MATCAP2: variants seen among roughly 807,000 people sequenced by gnomAD.
MATCAP2 encodes microtubule associated tyrosine carboxypeptidase 2.
the MATCAP2 span, chr7:36,333,829 G>C: frequency 6.5e-7 from 1 of 1,538,214 alleles, no homozygotes; most frequent in Admixed American, 2.0e-5. Flanking sequence ...CAGTAAGTCA[G>C]AAAACCTAGA....
At chr7:36,353,981 C>A in the MATCAP2 span, among the ~76,000 whole-genome samples, 1 of 152,194 alleles carries the variant, frequency 6.6e-6, no homozygotes, top group African/African-American at 2.4e-5. Flanking sequence ...ATGCACCTGA[C>A]CCCAAGTAGC....
chr7:36,365,770 T>G, the MATCAP2 span, among the ~76,000 whole-genome samples: 1 of 152,246 alleles, frequency 6.6e-6, no homozygotes. Context: ...GGAGGTATGG[T>G]ACTTTTAAGT....
the MATCAP2 span, among the ~76,000 whole-genome samples, chr7:36,381,460 C>T: frequency 4.6e-5 from 7 of 152,038 alleles, no homozygotes; most frequent in Non-Finnish European, 2.9e-5. Context: ...CACCTGAGGT[C>T]AGGAGTTTGA....
At chr7:36,333,297 T>C in the MATCAP2 span, among the ~76,000 whole-genome samples, 2 of 152,158 alleles carry the variant, frequency 1.3e-5, no homozygotes, top group Non-Finnish European at 2.9e-5. Context: ...TTCTATAAAA[T>C]GTTCAAAACA....
the MATCAP2 span, chr7:36,383,758 C>G: frequency 1.4e-6 from 1 of 703,666 alleles, no homozygotes; most frequent in Non-Finnish European, 2.4e-6. Context: ...CACGTGTATG[C>G]CTATGTAACA....
chr7:36,328,094 G>A, the MATCAP2 span, among the ~76,000 whole-genome samples: 1 of 151,766 alleles, frequency 6.6e-6, no homozygotes, highest in African/African-American at 2.4e-5. Flanking sequence ...TAAGAGATAG[G>A]GTCTTTCTCT....
At chr7:36,386,134 G>A in the MATCAP2 span, among the ~76,000 whole-genome samples, 147 of 151,850 alleles carry the variant, frequency 9.7e-4, 1 homozygote, top group African/African-American at 3.2e-3. Context: ...CAGCCTTGGC[G>A]AAAGAGCGAG....
the MATCAP2 span, among the ~76,000 whole-genome samples, chr7:36,382,569 T>G: frequency 6.6e-6 from 1 of 152,032 alleles, no homozygotes; most frequent in South Asian, 2.1e-4. Flanking sequence ...CTCGGCTCAC[T>G]GCAAGCTCCG....
chr7:36,363,543 T>A, the MATCAP2 span, among the ~76,000 whole-genome samples: 2 of 152,240 alleles, frequency 1.3e-5, no homozygotes, highest in Admixed American at 6.5e-5. Context: ...CATCGGATAA[T>A]GTCACACTGA....
At chr7:36,363,558 A>G in the MATCAP2 span, among the ~76,000 whole-genome samples, 2 of 152,248 alleles carry the variant, frequency 1.3e-5, no homozygotes, top group Non-Finnish European at 2.9e-5. Context: ...CACTGATATT[A>G]CATGAAATCT....
At chr7:36,328,249 G>GGA in the MATCAP2 span, among the ~76,000 whole-genome samples, 3 of 116,504 alleles carry the variant, frequency 2.6e-5, no homozygotes, top group African/African-American at 9.3e-5. Flanking sequence ...TAGGGGGGGG[G>GGA]GGTCTTGCTA....
the MATCAP2 span, among the ~76,000 whole-genome samples, chr7:36,352,448 C>T: frequency 2.1e-5 from 3 of 144,158 alleles, no homozygotes; most frequent in Non-Finnish European, 4.5e-5. Context: ...TCTTTTTCAA[C>T]TCTTACTGCA....
At chr7:36,333,875 C>T in the MATCAP2 span, 1 of 1,610,872 alleles carries the variant, frequency 6.2e-7, no homozygotes, top group South Asian at 1.1e-5. Flanking sequence ...AAGTATCAGT[C>T]CATCCCCTCT....
the MATCAP2 span, chr7:36,326,783 T>C: frequency 2.5e-6 from 4 of 1,613,424 alleles, no homozygotes; most frequent in East Asian, 4.5e-5. Flanking sequence ...TTCAGTTCCC[T>C]GTCAGTCAGT....
the MATCAP2 span, among the ~76,000 whole-genome samples, chr7:36,349,684 A>G: frequency 6.6e-6 from 1 of 152,366 alleles, no homozygotes; most frequent in Non-Finnish European, 1.5e-5. Context: ...AATACCGCAG[A>G]CTATTCTTTC....
chr7:36,386,762 A>G, the MATCAP2 span, among the ~76,000 whole-genome samples: 2 of 152,240 alleles, frequency 1.3e-5, no homozygotes, highest in African/African-American at 4.8e-5. Flanking sequence ...TCAAACAAGA[A>G]TGGCAAAATT....
the MATCAP2 span, chr7:36,356,946 C>A: frequency 1.2e-6 from 2 of 1,614,068 alleles, no homozygotes. Flanking sequence ...TTAGCTAATA[C>A]GCTTGGCAGA....
chr7:36,371,130 G>C, the MATCAP2 span, among the ~76,000 whole-genome samples: 1 of 152,136 alleles, frequency 6.6e-6, no homozygotes, highest in Non-Finnish European at 1.5e-5. Context: ...TTTTGGGACA[G>C]GGTCTCACTC....
chr7:36,365,566 A>G, the MATCAP2 span, among the ~76,000 whole-genome samples: 18,533 of 152,086 alleles, frequency 0.12, 1,177 homozygotes, highest in East Asian at 0.18. Context: ...CGGGCGTGGT[A>G]GCATGCGTCT....
Sources: allele counts gnomAD v4.1 joint callset (sites outside exome capture counted in the v4.1 genomes callset), GRCh38; gene constraint gnomAD v4.1.1; transcripts MANE v1.5; gene names NCBI Gene and HGNC (gene_info 2026-07-23, HGNC 2026-07-21).